The following XKR6 variants were observed in gnomAD, a reference collection of about 807,000 sequenced individuals.
XKR6 encodes XK-related protein 6.
XKR6 carries 22 observed loss-of-function variants against 56.7 expected under a neutral mutation model. The ratio of observed to expected loss-of-function variants is 0.39; its 90% CI spans 0.28 to 0.55. The LOEUF is 0.55. XKR6 is among the 20% of genes least tolerant of loss of function. XKR6 has a pLI of 0.66. For missense variants in XKR6, 852 were observed against 889.0 expected, an observed-to-expected ratio of 0.96 and a Z score of 0.53; for synonymous variants, 524 against 387.8, an observed-to-expected ratio of 1.35 and a Z score of -4.13.
intron 1 of XKR6, among the ~76,000 whole-genome samples, chr8:11,139,567 G>A (rs535723118): frequency 2.6e-5 from 4 of 152,206 alleles, no homozygotes; most frequent in East Asian, 3.9e-4. Context: ...CCTGGAACTC[G>A]GAAAACAGAT....
In XKR6 at chr8:10,984,134, T is replaced by C. The variant is rs75387304; in HGVS notation, c.765-59304A>G. ...ATACCTTAGACAAACGAGGCATGTATTGCACAAATACAGGGATGTATTAGA... is the reference window on the plus strand; with the variant it reads ...ATACCTTAGACAAACGAGGCATGTACTGCACAAATACAGGGATGTATTAGA... On this transcript the variant is annotated intron_variant, in intron 1 of 2. Coordinates refer to ENST00000416569, the MANE Select transcript of XKR6 (RefSeq NM_173683.4). Among the ~76,000 whole-genome samples, 37 of 152,318 alleles carry C rather than the reference T, an allele frequency of 2.4e-4. No homozygotes were observed. In the East Asian group the frequency reaches 7.1e-3, roughly 29 times the overall value.
chr8:11,081,953 C>G (rs923372601), intron 1 of XKR6, among the ~76,000 whole-genome samples: 1 of 152,210 alleles, frequency 6.6e-6, no homozygotes, highest in African/African-American at 2.4e-5. Context: ...GTTCACGGTT[C>G]TGTTCCCACT....
rs1804200530 is a variant in XKR6, at chr8:11,201,069, C to T, written c.271G>A (p.Gly91Arg). The T allele has an allele frequency of 2.3e-6, 3 of 1,326,934 alleles. No homozygotes were observed. The highest frequency in any genetic ancestry group is 2.9e-6 in the Non-Finnish European group (3 of 1,040,910). 82.2% of individuals were successfully genotyped at this position (1,326,934 alleles called of 1,614,324 possible). A position where few individuals can be genotyped will look rare whatever the true frequency, so the allele number is the denominator to read the frequency against. Reference protein sequence around the residue: ...KPRRSAAADGGDQPLQPPAAP... With the variant: ...KPRRSAAADGRDQPLQPPAAP... Reference sequence around the variant, plus strand: ...GCGGGAGGCTGCAGCGGCTGGTCCCCCCCGTCGGCGGCGGCGCTGCGGCGC... The same window carrying T: ...GCGGGAGGCTGCAGCGGCTGGTCCCTCCCGTCGGCGGCGGCGCTGCGGCGC... The change falls in exon 1 of 3, where the codon GGG (glycine) becomes AGG (arginine). Residue 91 changes from glycine to arginine, a missense_variant. Gly to Arg is a moderately radical substitution (Grantham distance 125). Transcript: ENST00000416569.
intron 1 of XKR6, among the ~76,000 whole-genome samples, chr8:10,975,357 C>A (rs1278771576): frequency 6.6e-6 from 1 of 152,202 alleles, no homozygotes; most frequent in Non-Finnish European, 1.5e-5. Context: ...GCCCACCAAT[C>A]AAAACAAGTC....
chr8:11,068,243 G>GA (rs1228333983), intron 1 of XKR6, among the ~76,000 whole-genome samples: 3 of 152,138 alleles, frequency 2.0e-5, no homozygotes, highest in Admixed American at 2.0e-4. Context: ...GAGATAAGGG[G>GA]GCCTTGGTGA....
At chr8:11,085,253 G>T (rs939293663) in intron 1 of XKR6, among the ~76,000 whole-genome samples, 1 of 152,158 alleles carries the variant, frequency 6.6e-6, no homozygotes, top group South Asian at 2.1e-4. Context: ...CTAGGTGGGA[G>T]CCTCATTGTC....
intron 1 of XKR6, among the ~76,000 whole-genome samples, chr8:10,978,979 G>A (rs1797661471): frequency 6.6e-6 from 1 of 152,116 alleles, no homozygotes; most frequent in Non-Finnish European, 1.5e-5. Flanking sequence ...TTACTCTGCT[G>A]CCATGCCCAG....
intron 1 of XKR6, among the ~76,000 whole-genome samples, chr8:11,160,492 A>G (rs1236036951): frequency 6.6e-6 from 1 of 152,218 alleles, no homozygotes; most frequent in Non-Finnish European, 1.5e-5. Flanking sequence ...GAGGCATCAT[A>G]ACTGTCTTCC....
intron 1 of XKR6, among the ~76,000 whole-genome samples, chr8:11,013,012 T>C (rs894989570): frequency 1.3e-5 from 2 of 152,126 alleles, no homozygotes; most frequent in African/African-American, 2.4e-5. Context: ...ACATGCCTTA[T>C]CCTTCGGCTT....
intron 1 of XKR6, among the ~76,000 whole-genome samples, chr8:10,990,115 C>G (rs570272353): frequency 3.3e-5 from 5 of 152,314 alleles, no homozygotes; most frequent in African/African-American, 1.2e-4. Context: ...GTCCCCACCA[C>G]TATATTAAAA....
intron 1 of XKR6, among the ~76,000 whole-genome samples, chr8:10,951,630 T>TA (rs991943360): frequency 5.9e-5 from 9 of 152,328 alleles, no homozygotes; most frequent in African/African-American, 2.2e-4. Context: ...GTCCATGACC[T>TA]AACGGCCCAT....
chr8:11,137,181 T>A, intron 1 of XKR6: 1 of 168,978 alleles, frequency 5.9e-6, no homozygotes, highest in Non-Finnish European at 1.3e-5. Flanking sequence ...CATCCATCCA[T>A]CATCATGCTA....
chr8:10,914,611 T>C (rs902574441), intron 2 of XKR6, among the ~76,000 whole-genome samples: 1 of 152,162 alleles, frequency 6.6e-6, no homozygotes, highest in Non-Finnish European at 1.5e-5. Context: ...TTCTGTCTCC[T>C]TGCATGTTTC....
intron 1 of XKR6, among the ~76,000 whole-genome samples, chr8:11,182,789 C>A (rs1405843266): frequency 6.6e-6 from 1 of 152,198 alleles, no homozygotes; most frequent in Non-Finnish European, 1.5e-5. Flanking sequence ...GCATTAAATA[C>A]ATTCACAATG....
intron 1 of XKR6, among the ~76,000 whole-genome samples, chr8:11,151,039 C>T (rs1450665870): frequency 6.6e-6 from 1 of 152,000 alleles, no homozygotes; most frequent in Non-Finnish European, 1.5e-5. Flanking sequence ...AAAAAATAAA[C>T]CCAAACTAAT....
intron 1 of XKR6, among the ~76,000 whole-genome samples, chr8:11,087,452 G>A (rs1305306023): frequency 6.6e-6 from 1 of 152,172 alleles, no homozygotes; most frequent in East Asian, 1.9e-4. Context: ...TTTCCGCACA[G>A]CAACGTGATG....
chr8:11,017,141 T>C (rs1167486441), intron 1 of XKR6, among the ~76,000 whole-genome samples: 1 of 152,150 alleles, frequency 6.6e-6, no homozygotes, highest in East Asian at 1.9e-4. Context: ...AAGGCATAGA[T>C]GATAGATACA....
chr8:10,922,497 T>C (rs1800751534), intron 2 of XKR6, among the ~76,000 whole-genome samples: 1 of 152,238 alleles, frequency 6.6e-6, no homozygotes, highest in South Asian at 2.1e-4. Context: ...AGAGCAAGAA[T>C]GCGCATTTCA....
chr8:11,035,590 C>T (rs183603989), intron 1 of XKR6, among the ~76,000 whole-genome samples: 2 of 152,282 alleles, frequency 1.3e-5, no homozygotes, highest in East Asian at 1.9e-4. Flanking sequence ...AGCTGCATCT[C>T]GAAGTTCTCG....
Sources: gnomAD v4.1 joint callset for allele counts (sites outside exome capture counted in the v4.1 genomes callset) on GRCh38, gnomAD v4.1.1 for gene constraint, MANE v1.5 for transcripts, NCBI Gene and HGNC (gene_info 2026-07-23, HGNC 2026-07-21) for gene names.